The following ABR variants were observed in gnomAD, a reference collection of about 807,000 sequenced individuals.
ABR encodes active breakpoint cluster region-related protein.
ABR carries 35 observed loss-of-function variants against 107.2 expected under a neutral mutation model. The ratio of observed to expected loss-of-function variants is 0.33; its 90% CI spans 0.25 to 0.43. ABR has a LOEUF of 0.43. ABR is among the 20% of genes least tolerant of loss of function. ABR has a pLI of 1.00. For synonymous variants in ABR, 498 were observed against 462.0 expected (o/e 1.08, Z -1.00); for missense variants, 815 against 1,115.2 (o/e 0.73, Z 3.83).
intron 1 of ABR, among the ~76,000 whole-genome samples, chr17:1,220,972 C>T (rs961232372): frequency 6.6e-6 from 1 of 152,188 alleles, no homozygotes; most frequent in African/African-American, 2.4e-5. Context: ...TAAAAGGCTA[C>T]TGCCTTGCAC....
chr17:1,067,320 A>G, intron 9 of ABR, 78 bp from the exon 10 acceptor site: 1 of 1,321,074 alleles, frequency 7.6e-7, no homozygotes. Context: ...CCAGAACCAC[A>G]GAACCACTGA....
chr17:1,228,720 C>G (rs1369115951), intron 1 of ABR: 1 of 145,568 alleles, frequency 6.9e-6, no homozygotes, highest in Non-Finnish European at 1.5e-5. Context: ...CGGAGTCGGC[C>G]GGGAAGGGGT....
In ABR at chr17:1,095,981, G is replaced by A. The variant is rs572672256; in HGVS notation, c.346-4131C>T. On this transcript the variant is annotated intron_variant, in intron 3 of 22. Transcript: ENST00000302538. ...CCCAGGAGGGCCAGTCGTGGCCAGC[G>A]GTGGGAGGGGCTCTGGGGAGTGGCC... is the stretch of plus-strand genomic sequence containing the variant. Among the ~76,000 whole-genome samples the A allele has an allele frequency of 2.6e-3, 390 of 152,336 alleles. 2 individuals are homozygous for A. The highest frequency in any genetic ancestry group is 4.5e-3 in the Non-Finnish European group (305 of 68,018).
chr17:1,049,678 G>A (rs2032225032), intron 16 of ABR, among the ~76,000 whole-genome samples: 2 of 152,166 alleles, frequency 1.3e-5, no homozygotes, highest in Admixed American at 6.5e-5. Flanking sequence ...CCCCGTCAAT[G>A]GCAGACACGG....
rs140254855 is a variant in ABR, at chr17:1,056,108, G to T, written c.1488C>A (p.Asp496Glu). 3 of 1,613,972 alleles carry T rather than the reference G, an allele frequency of 1.9e-6. No individual in the cohort carries two copies. Among genetic ancestry groups the T allele is most frequent in the South Asian group, 1.1e-5 (1 of 91,080 alleles). Residue 496 changes from aspartate (D) to glutamate (E), a missense_variant and splice_region_variant, in exon 14 of 23, where the codon GAC becomes GAA. This residue lies in a region of ABR where 385 missense variants were observed against 596.9 expected (regional missense o/e 0.64). Transcript: ENST00000302538. ...HNIPVTSNKD[D>E]DESPGLYGFL... ...AGCCATAGAGTCCTGGAGACTCATCGTCTGCAAGAGAGAAAAGCCCCCAGG... is the reference window on the plus strand; with the variant it reads ...AGCCATAGAGTCCTGGAGACTCATCTTCTGCAAGAGAGAAAAGCCCCCAGG...
At chr17:1,187,107 A>T (rs1035472883) in exon 1 of ABR, 1 of 152,412 alleles carries the variant, frequency 6.6e-6, no homozygotes, top group African/African-American at 2.4e-5. Context: ...CATCAGGCCC[A>T]GGAGTGGCTG....
intron 2 of ABR, chr17:1,109,212 C>T (rs2151386655): frequency 8.7e-7 from 1 of 1,150,702 alleles, no homozygotes. Context: ...GGGACTGCAT[C>T]CCGGACCTAG....
chr17:1,079,679 C>T (rs1305659780), intron 5 of ABR, among the ~76,000 whole-genome samples: 1 of 151,396 alleles, frequency 6.6e-6, no homozygotes, highest in East Asian at 1.9e-4. Flanking sequence ...ATCCCAGCTA[C>T]TTGGGAGGCT....
At chr17:1,197,817 C>T (rs1031457836) in intron 1 of ABR, among the ~76,000 whole-genome samples, 7 of 151,608 alleles carry the variant, frequency 4.6e-5, no homozygotes, top group Admixed American at 1.3e-4. Flanking sequence ...CAAACCAGAC[C>T]GTGACTTGGT....
At chr17:1,178,715 G>A (rs1262092207) in intron 1 of ABR, among the ~76,000 whole-genome samples, 2 of 152,116 alleles carry the variant, frequency 1.3e-5, no homozygotes, top group Non-Finnish European at 2.9e-5. Context: ...ACTCACGTGG[G>A]CCAGGAAGGG....
chr17:1,035,014 G>C (rs369751632), intron 16 of ABR, among the ~76,000 whole-genome samples: 1 of 151,968 alleles, frequency 6.6e-6, no homozygotes, highest in Non-Finnish European at 1.5e-5. Context: ...AAGTGCCTTC[G>C]CAGATGGGTA....
chr17:1,222,556 G>T (rs2150762851), intron 1 of ABR, among the ~76,000 whole-genome samples: 1 of 152,254 alleles, frequency 6.6e-6, no homozygotes, highest in East Asian at 1.9e-4. Context: ...GGTTACAGAT[G>T]AATCAGGTTC....
Position 1,010,619 on chromosome 17 carries a change from G to T in ABR, c.2236+110C>A. On this transcript the variant is annotated intron_variant, in intron 20 of 22. Coordinates refer to ENST00000302538, the MANE Select transcript of ABR (RefSeq NM_021962.5). The surrounding 1 kb of genome is among the most constrained non-coding windows in gnomAD (Gnocchi z 4.1). ...CCACAGGCCCCAGTGCACTGGGAAG[G>T]TCAGCCAGCAAAGGAAGCCACAGAT... 6.8e-7 allele frequency: 1 copy of T among 1,471,156 alleles called. No individual in the cohort carries two copies. The highest frequency in any genetic ancestry group is 1.4e-5 in the African/African-American group (1 of 72,294). 91.1% of individuals were successfully genotyped at this position (1,471,156 alleles called of 1,614,324 possible). A position where few individuals can be genotyped will look rare whatever the true frequency, so the allele number is the denominator to read the frequency against.
chr17:1,009,580 T>C (rs917107549), intron 21 of ABR, 99 bp downstream of exon 21: 1 of 1,003,420 alleles, frequency 1.0e-6, no homozygotes, highest in Non-Finnish European at 1.6e-6. Flanking sequence ...CCGTTACCTT[T>C]TCACGAGGAG....
chr17:1,090,895 G>C (rs1413642306), intron 4 of ABR, among the ~76,000 whole-genome samples: 1 of 152,200 alleles, frequency 6.6e-6, no homozygotes, highest in African/African-American at 2.4e-5. Flanking sequence ...GGTGGGGAGG[G>C]AGCTCCATGA....
At chr17:1,174,045 G>C (rs2041841437) in intron 1 of ABR, among the ~76,000 whole-genome samples, 1 of 152,212 alleles carries the variant, frequency 6.6e-6, no homozygotes, top group Non-Finnish European at 1.5e-5. Context: ...TCATACCTCA[G>C]ACAGAGAACA....
intron 2 of ABR, among the ~76,000 whole-genome samples, chr17:1,119,771 A>G (rs2039259619): frequency 1.3e-5 from 2 of 152,232 alleles, no homozygotes; most frequent in African/African-American, 4.8e-5. Context: ...AAGCTTCACA[A>G]GGGAGGGCGT....
chr17:1,162,183 C>T (rs1029416876), intron 1 of ABR, among the ~76,000 whole-genome samples: 1 of 152,224 alleles, frequency 6.6e-6, no homozygotes, highest in Non-Finnish European at 1.5e-5. Context: ...TGTTTATCAA[C>T]AGCAACAATT....
At chr17:1,212,031 G>A (rs986498110) in intron 1 of ABR, among the ~76,000 whole-genome samples, 11 of 151,394 alleles carry the variant, frequency 7.3e-5, no homozygotes, top group African/African-American at 2.4e-4. Context: ...GCAGTGAGCC[G>A]AGATTGCACC....
Sources: allele counts gnomAD v4.1 joint callset (sites outside exome capture counted in the v4.1 genomes callset), GRCh38; gene constraint gnomAD v4.1.1; regional missense constraint gnomAD v4.1.1; non-coding constraint Gnocchi (gnomAD v3.1); transcripts MANE v1.5; gene names NCBI Gene and HGNC (gene_info 2026-07-23, HGNC 2026-07-21).